The following SLC28A3 variants were observed in gnomAD, a reference collection of about 807,000 sequenced individuals.
SLC28A3 encodes the protein concentrative Na(+)-nucleoside cotransporter 3.
Under a neutral mutation model 84.2 loss-of-function variants are expected in SLC28A3, and 68 were observed. The observed-to-expected ratio is 0.81, with a 90% CI of 0.66 to 0.99. The LOEUF is 0.99. SLC28A3 is among the 50% of genes least tolerant of loss of function. The pLI, the probability that SLC28A3 is intolerant of heterozygous loss-of-function variation, is 0.00. For missense variants in SLC28A3, 712 were observed against 841.5 expected, an observed-to-expected ratio of 0.85 and a Z score of 1.90; for synonymous variants, 267 against 303.6, an observed-to-expected ratio of 0.88 and a Z score of 1.25.
intron 9 of SLC28A3, 108 bp from the exon 10 acceptor site, chr9:84,292,856 A>C: frequency 1.5e-6 from 1 of 679,268 alleles, no homozygotes; most frequent in South Asian, 2.4e-5. Context: ...GGGCTTCAAC[A>C]TTTGTCAGCA....
chr9:84,344,160 C>T (rs1827212702), upstream of SLC28A3, among the ~76,000 whole-genome samples: 1 of 145,884 alleles, frequency 6.9e-6, no homozygotes, highest in Non-Finnish European at 1.5e-5. Flanking sequence ...TCATGCCCTA[C>T]AAATCATAAA....
upstream of SLC28A3, among the ~76,000 whole-genome samples, chr9:84,341,168 A>G (rs1440065121): frequency 6.6e-6 from 1 of 151,976 alleles, no homozygotes; most frequent in Non-Finnish European, 1.5e-5. Flanking sequence ...ACGGGGTTTC[A>G]CCATGTTGGC....
chr9:84,338,706 A>G (rs17428030), intron 1 of SLC28A3, among the ~76,000 whole-genome samples: 9,644 of 152,218 alleles, frequency 0.063, 446 homozygotes, highest in Non-Finnish European at 0.091. Flanking sequence ...TCTTGCTGCC[A>G]TACTTCCTCT....
the SLC28A3 span, among the ~76,000 whole-genome samples, chr9:84,362,079 G>GT: frequency 1.3e-5 from 2 of 152,222 alleles, no homozygotes; most frequent in South Asian, 2.1e-4. Flanking sequence ...ACTTATTAGT[G>GT]TTTTTTGTGT....
rs1186941144 is a variant in SLC28A3 at position 84,276,368 on chromosome 9, A to C, written c.*1850T>G. On this transcript the variant is annotated 3_prime_UTR_variant, in exon 18 of 18. Transcript: ENST00000376238. ...GCGTGGCTACTAGATCTTAAATTAC[A>C]TGTGACTTGCATATGTCTATCAGAC... The C allele has an allele frequency of 6.6e-6, 1 of 151,886 alleles. No homozygotes were observed. The highest frequency in any genetic ancestry group is 1.5e-5 in the Non-Finnish European group (1 of 68,006). 9.4% of individuals were successfully genotyped at this position (151,886 alleles called of 1,614,324 possible).
At chr9:84,352,702 T>C in the SLC28A3 span, among the ~76,000 whole-genome samples, 2 of 151,504 alleles carry the variant, frequency 1.3e-5, no homozygotes, top group Admixed American at 1.3e-4. Flanking sequence ...CTGGCCAACA[T>C]TGTGAAACCC....
intron 4 of SLC28A3, 31 bp from the exon 5 acceptor site, chr9:84,302,420 A>G (rs371345662): frequency 2.2e-5 from 36 of 1,602,328 alleles, no homozygotes; most frequent in Admixed American, 5.2e-5. Flanking sequence ...GACACTGAAC[A>G]TCACTAACCA....
chr9:84,290,144 A>G lies in SLC28A3; in HGVS notation c.1149+10T>C. 1 of 1,612,034 alleles carries G rather than the reference A, an allele frequency of 6.2e-7. No homozygotes were observed. The highest frequency in any genetic ancestry group is 8.5e-7 in the Non-Finnish European group (1 of 1,179,100). ...AGGTTGGTGTTTTCATAATTCCAAA[A>G]CATTCTTACCCCAAAAGAAATGTAT... On this transcript the variant is annotated intron_variant, in intron 11 of 17. Transcript: ENST00000376238.
In SLC28A3 at chr9:84,280,864, C is replaced by T. The variant is rs746679335; in HGVS notation, c.1666G>A (p.Ala556Thr). The T allele has an allele frequency of 2.2e-5, 36 of 1,613,916 alleles. No individual in the cohort carries two copies. Among genetic ancestry groups the T allele is most frequent in the Middle Eastern group, 1.6e-4 (1 of 6,084 alleles). ...GCAAAACCACAGAGAGCGTAAGTGG[C>T]GATTATCTCAGAACGAATCTGTAAG... is the stretch of plus-strand genomic sequence containing the variant. Reference protein sequence around the residue: ...QYISIRSEIIATYALCGFANI... With the variant: ...QYISIRSEIITTYALCGFANI... Residue 556 changes from alanine to threonine, a missense_variant, in exon 15 of 18, where the codon GCC (alanine) becomes ACC (threonine). Transcript: ENST00000376238.
At chr9:84,311,828 CCTG>C (rs1297589868) in intron 2 of SLC28A3, among the ~76,000 whole-genome samples, 1 of 152,208 alleles carries the variant, frequency 6.6e-6, no homozygotes, top group Admixed American at 6.5e-5. Flanking sequence ...TGCACTCCAG[CCTG>C]CTGACAGAGC....
At chr9:84,306,007 G>C (rs1368216863) in intron 3 of SLC28A3, among the ~76,000 whole-genome samples, 2 of 152,126 alleles carry the variant, frequency 1.3e-5, no homozygotes, top group Non-Finnish European at 2.9e-5. Context: ...GTAATGTGTA[G>C]GTTGGGTCAT....
rs1467768698 is a variant in SLC28A3 at position 84,280,806 on chromosome 9, C to A, written c.1724G>T (p.Gly575Val). ...NIGSLGIVIG[G>V]LTSMAPSRKR... ...AGAATGTTCTTTTCACTTACTGAGT[C>A]CGCCGATCACGATTCCTAGGGACCC... The change falls in exon 15 of 18, where the codon GGA (glycine) becomes GTA (valine). Residue 575 changes from glycine to valine, a missense_variant. By Grantham distance (109) the Gly-to-Val change is moderately radical. Transcript: ENST00000376238. The A allele has an allele frequency of 6.2e-7, 1 of 1,613,894 alleles. No homozygotes were observed. Among genetic ancestry groups the A allele is most frequent in the South Asian group, 1.1e-5 (1 of 91,050 alleles).
intron 3 of SLC28A3, among the ~76,000 whole-genome samples, chr9:84,307,476 A>ATATCAAAAAG (rs1825842987): frequency 1.3e-5 from 2 of 152,042 alleles, no homozygotes; most frequent in South Asian, 4.1e-4. Flanking sequence ...AAGAATAAAA[A>ATATCAAAAAG]TATCAAAAGT....
chr9:84,349,079 G>A, the SLC28A3 span, among the ~76,000 whole-genome samples: 1 of 152,184 alleles, frequency 6.6e-6, no homozygotes, highest in Non-Finnish European at 1.5e-5. Context: ...TCACCTGGGT[G>A]CAGGCGGGCT....
intron 1 of SLC28A3, among the ~76,000 whole-genome samples, chr9:84,315,640 T>C (rs948576729): frequency 6.6e-6 from 1 of 152,220 alleles, no homozygotes; most frequent in African/African-American, 2.4e-5. Context: ...CAACAGAGTA[T>C]ACGCCTTGGC....
the SLC28A3 span, among the ~76,000 whole-genome samples, chr9:84,346,163 A>G: frequency 2.6e-5 from 4 of 152,346 alleles, no homozygotes; most frequent in Middle Eastern, 3.4e-3. Context: ...TAGACTTTTC[A>G]GTCAAATAAT....
chr9:84,285,602 C>T, intron 13 of SLC28A3, 60 bp from the exon 14 acceptor site: 6 of 1,563,644 alleles, frequency 3.8e-6, no homozygotes, highest in Non-Finnish European at 5.3e-6. Context: ...GTTTTGCCTC[C>T]TCAGTGACAA....
At chr9:84,298,971 T>G (rs938992686) in intron 6 of SLC28A3, among the ~76,000 whole-genome samples, 2 of 152,166 alleles carry the variant, frequency 1.3e-5, no homozygotes, top group Non-Finnish European at 2.9e-5. Context: ...GCAAAGAACT[T>G]GGATCATATT....
At chr9:84,285,688 T>A in intron 13 of SLC28A3, 146 bp from the exon 14 acceptor site, 1 of 968,322 alleles carries the variant, frequency 1.0e-6, no homozygotes, top group Non-Finnish European at 1.5e-6. Flanking sequence ...CCATCAGGAA[T>A]CAGGGCTAGA....
Sources: gnomAD v4.1 joint callset for allele counts (sites outside exome capture counted in the v4.1 genomes callset) on GRCh38, gnomAD v4.1.1 for gene constraint, MANE v1.5 for transcripts, NCBI Gene and HGNC (gene_info 2026-07-23, HGNC 2026-07-21) for gene names.